The following ENTHD1 variants were observed in gnomAD, a reference collection of about 807,000 sequenced individuals.
The protein encoded by ENTHD1 is ENTH domain-containing protein 1.
ENTHD1 carries 23 observed loss-of-function variants against 39.1 expected under a neutral mutation model. That is an observed-to-expected ratio of 0.59 (90% CI 0.42 to 0.83). The LOEUF (loss-of-function observed/expected upper bound fraction) is 0.83. Among genes scored for constraint, ENTHD1 ranks in the 40% least tolerant of loss-of-function variants. The pLI, the probability that ENTHD1 is intolerant of heterozygous loss-of-function variation, is 0.00. For synonymous variants in ENTHD1, 230 were observed against 258.2 expected (o/e 0.89, Z 1.05); for missense variants, 624 against 705.4 (o/e 0.88, Z 1.31).
intron 3 of ENTHD1, among the ~76,000 whole-genome samples, chr22:39,846,544 GA>G (rs1320404539): frequency 6.6e-6 from 1 of 152,146 alleles, no homozygotes. Context: ...TGGTGTTTTA[GA>G]TGTGAAGTCC....
chr22:39,743,832 A>C lies in ENTHD1; in HGVS notation c.1671T>G (p.Arg557=). The C allele has an allele frequency of 6.2e-7, 1 of 1,614,126 alleles. No homozygotes were observed. Among genetic ancestry groups the C allele is most frequent in the South Asian group, 1.1e-5 (1 of 91,078 alleles). ...GATCTTCATGTAATCTAGCGATCGCACGTTTTACCTCCCTTAAAAGAACAC... is the reference window on the plus strand; with the variant it reads ...GATCTTCATGTAATCTAGCGATCGCCCGTTTTACCTCCCTTAAAAGAACAC... The part of the protein sequence containing the change: ...SISVLLREVK[R]AIARLHEDLS... Residue 557 remains arginine (R), a synonymous_variant, in exon 7 of 7, where the codon CGT becomes CGG. Coordinates refer to ENST00000325157, the MANE Select transcript of ENTHD1 (RefSeq NM_152512.4).
intron 5 of ENTHD1, among the ~76,000 whole-genome samples, chr22:39,809,813 A>T (rs2146630293): frequency 6.6e-6 from 1 of 152,292 alleles, no homozygotes; most frequent in Non-Finnish European, 1.5e-5. Context: ...GGAGCAGTAA[A>T]AGCAAATAGC....
At chr22:39,781,936 T>C (rs1046545458) in intron 5 of ENTHD1, among the ~76,000 whole-genome samples, 6 of 152,074 alleles carry the variant, frequency 3.9e-5, no homozygotes, top group African/African-American at 1.4e-4. Context: ...CCTGGACATA[T>C]ACAACCTACC....
intron 3 of ENTHD1, among the ~76,000 whole-genome samples, chr22:39,855,456 G>A (rs982213367): frequency 9.9e-5 from 15 of 151,904 alleles, no homozygotes; most frequent in South Asian, 2.1e-4. Context: ...TTGTGGTCCC[G>A]AGCATTTATT....
intron 5 of ENTHD1, among the ~76,000 whole-genome samples, chr22:39,777,299 T>C (rs1297553673): frequency 6.6e-6 from 1 of 152,212 alleles, no homozygotes; most frequent in East Asian, 1.9e-4. Flanking sequence ...AATAACATGC[T>C]TGACATGAAA....
chr22:39,836,944 A>C (rs759409931), intron 3 of ENTHD1, among the ~76,000 whole-genome samples: 2 of 152,134 alleles, frequency 1.3e-5, no homozygotes, highest in Non-Finnish European at 2.9e-5. Flanking sequence ...ACCATAAACC[A>C]ATTAAACCTC....
intron 4 of ENTHD1, among the ~76,000 whole-genome samples, chr22:39,829,592 C>A (rs942886819): frequency 1.3e-5 from 2 of 151,902 alleles, no homozygotes; most frequent in African/African-American, 4.8e-5. Flanking sequence ...CAAGATCAGC[C>A]TGGCCAAGAT....
chr22:39,829,886 TG>T (rs1326750531), intron 4 of ENTHD1, among the ~76,000 whole-genome samples: 1 of 152,116 alleles, frequency 6.6e-6, no homozygotes, highest in African/African-American at 2.4e-5. Context: ...ATTTTACAGA[TG>T]GGGGTCTCAC....
Position 39,853,635 on chromosome 22 carries a change from G to A in ENTHD1, c.592+8130C>T, listed in dbSNP as rs376476146. ...GTCACCCAGTCTGGAGTACAGTGGC[G>A]TGATCTCAGCTCACTGCAACGTCTG... On this transcript the variant is annotated intron_variant, in intron 3 of 6. Transcript: ENST00000325157. Among the ~76,000 whole-genome samples, 337 of 152,208 alleles carry A rather than the reference G, an allele frequency of 2.2e-3. 1 individual carries two copies. Among genetic ancestry groups the A allele is most frequent in the African/African-American group, 7.6e-3 (317 of 41,540 alleles).
intron 3 of ENTHD1, among the ~76,000 whole-genome samples, chr22:39,851,824 A>T (rs2066042725): frequency 6.6e-6 from 1 of 152,198 alleles, no homozygotes; most frequent in Non-Finnish European, 1.5e-5. Flanking sequence ...TCAAAAAGAG[A>T]AACTTAGAGA....
chr22:39,834,435 A>AT (rs1280143020), intron 4 of ENTHD1, among the ~76,000 whole-genome samples: 1 of 152,252 alleles, frequency 6.6e-6, no homozygotes, highest in Non-Finnish European at 1.5e-5. Flanking sequence ...TCACAATGAG[A>AT]TATCATTACA....
At chr22:39,798,258 A>G (rs780115051) in intron 5 of ENTHD1, among the ~76,000 whole-genome samples, 1 of 151,646 alleles carries the variant, frequency 6.6e-6, no homozygotes, top group African/African-American at 2.4e-5. Context: ...TTTTTATTTT[A>G]TTCATTGGAT....
At chr22:39,774,909 T>A (rs1430216344) in intron 5 of ENTHD1, among the ~76,000 whole-genome samples, 1 of 152,202 alleles carries the variant, frequency 6.6e-6, no homozygotes, top group Non-Finnish European at 1.5e-5. Flanking sequence ...TACATTTCCA[T>A]GCCTCTGTGT....
intron 3 of ENTHD1, among the ~76,000 whole-genome samples, chr22:39,836,205 A>G (rs984277648): frequency 6.6e-6 from 1 of 152,174 alleles, no homozygotes; most frequent in African/African-American, 2.4e-5. Context: ...TTTTCTTTAT[A>G]TTTGACAAAT....
intron 6 of ENTHD1, among the ~76,000 whole-genome samples, chr22:39,760,442 C>T (rs1018644943): frequency 2.0e-5 from 3 of 151,926 alleles, no homozygotes; most frequent in African/African-American, 7.2e-5. Flanking sequence ...AATATAGCTA[C>T]TCCCACTTTA....
At chr22:39,849,289 C>G (rs573334155) in intron 3 of ENTHD1, among the ~76,000 whole-genome samples, 1 of 152,180 alleles carries the variant, frequency 6.6e-6, no homozygotes, top group Non-Finnish European at 1.5e-5. Context: ...CTACTGGGAA[C>G]AATTTGGCCC....
chr22:39,756,419 C>T (rs546555300), intron 6 of ENTHD1, among the ~76,000 whole-genome samples: 1 of 152,078 alleles, frequency 6.6e-6, no homozygotes, highest in Admixed American at 6.6e-5. Flanking sequence ...ACTGCAACCT[C>T]CGCCTCCCAG....
At chr22:39,833,256 T>G in intron 4 of ENTHD1, among the ~76,000 whole-genome samples, 1 of 152,126 alleles carries the variant, frequency 6.6e-6, no homozygotes, top group South Asian at 2.1e-4. Flanking sequence ...ACCTCCCACT[T>G]AAGCTGATAG....
At chr22:39,833,783 G>A (rs1050837378) in intron 4 of ENTHD1, among the ~76,000 whole-genome samples, 2 of 151,652 alleles carry the variant, frequency 1.3e-5, no homozygotes, top group African/African-American at 2.4e-5. Context: ...AAGAAAAATC[G>A]AGATAACTTT....
Sources: allele counts gnomAD v4.1 joint callset (sites outside exome capture counted in the v4.1 genomes callset), GRCh38; gene constraint gnomAD v4.1.1; transcripts MANE v1.5; gene names NCBI Gene and HGNC (gene_info 2026-07-23, HGNC 2026-07-21).